The following ZKSCAN7 variants were observed in gnomAD, a reference collection of about 807,000 sequenced individuals.
ZKSCAN7 encodes the protein zinc finger protein with KRAB and SCAN domains 7.
Under a neutral mutation model 65.3 loss-of-function variants are expected in ZKSCAN7, and 38 were observed. The ratio of observed to expected loss-of-function variants is 0.58; its 90% CI spans 0.45 to 0.76. The LOEUF (loss-of-function observed/expected upper bound fraction) is 0.76. Among genes scored for constraint, ZKSCAN7 ranks in the 30% least tolerant of loss-of-function variants. The pLI is 0.00. For missense variants in ZKSCAN7, 815 were observed against 913.3 expected, an observed-to-expected ratio of 0.89 and a Z score of 1.39; for synonymous variants, 321 against 321.0, an observed-to-expected ratio of 1.00 and a Z score of 0.00.
At chr3:44,576,284 C>T (rs74444184), downstream of ZKSCAN7, among the ~76,000 whole-genome samples, 2,246 of 152,236 alleles carry the variant, frequency 0.015, 53 homozygotes, top group African/African-American at 0.05. Context: ...GTCATATCCA[C>T]AGGGAATTGG....
exon 6 of ZKSCAN7, chr3:44,583,441 T>C (rs1481561697): frequency 6.6e-6 from 1 of 152,346 alleles, no homozygotes; most frequent in Non-Finnish European, 1.5e-5. Flanking sequence ...TACTCAACAA[T>C]ATTAAATACT....
At chr3:44,572,346 T>TTGTGTG (rs3080634), downstream of ZKSCAN7, among the ~76,000 whole-genome samples, 654 of 143,746 alleles carry the variant, frequency 4.5e-3, 4 homozygotes, top group African/African-American at 0.014. Flanking sequence ...CGAATGGATT[T>TTGTGTG]TGTGTGTGTG....
chr3:44,574,002 A>T (rs887009165), downstream of ZKSCAN7, among the ~76,000 whole-genome samples: 5 of 152,176 alleles, frequency 3.3e-5, no homozygotes, highest in East Asian at 3.8e-4. Flanking sequence ...GCATAAACTT[A>T]AAAAAAATTT....
chr3:44,571,382 G>A lies in ZKSCAN7; in HGVS notation c.*7G>A, dbSNP rs1297764856. On this transcript the variant is annotated 3_prime_UTR_variant, in exon 6 of 6. Transcript: ENST00000426540. ...GGCTTGGTCAGTTTCTTAAGGTATG[G>A]TTCTCTGAGACAGAGAGCAACGACC... The A allele has an allele frequency of 1.2e-6, 2 of 1,613,440 alleles. No individual in the cohort carries two copies. The highest frequency in any genetic ancestry group is 1.7e-6 in the Non-Finnish European group (2 of 1,180,040).
chr3:44,580,690 T>A, intron 5 of ZKSCAN7: 1 of 1,613,920 alleles, frequency 6.2e-7, no homozygotes, highest in Non-Finnish European at 8.5e-7. Flanking sequence ...CTCTGGCCCG[T>A]GCGGCCCTCC....
At chr3:44,563,153 T>G (rs1384422490) in intron 2 of ZKSCAN7, among the ~76,000 whole-genome samples, 1 of 152,158 alleles carries the variant, frequency 6.6e-6, no homozygotes, top group Non-Finnish European at 1.5e-5. Flanking sequence ...TGAGACCACC[T>G]CAGCCTGGAT....
At chr3:44,572,247 C>T, downstream of ZKSCAN7, 1 of 981,556 alleles carries the variant, frequency 1.0e-6, no homozygotes, top group African/African-American at 1.7e-5. Flanking sequence ...AAGTCCATCT[C>T]ATCATAGAAT....
intron 2 of ZKSCAN7, among the ~76,000 whole-genome samples, chr3:44,558,951 T>G (rs538376755): frequency 2.0e-5 from 3 of 151,754 alleles, no homozygotes; most frequent in African/African-American, 4.8e-5. Context: ...GCTAATTTTT[T>G]TTATTGTAGA....
At chr3:44,582,939 T>C in intron 5 of ZKSCAN7, 1 of 399,028 alleles carries the variant, frequency 2.5e-6, no homozygotes, top group Non-Finnish European at 4.9e-6. Flanking sequence ...TGTGTGTGTG[T>C]GTGTGTGACT....
intron 3 of ZKSCAN7, 152 bp downstream of exon 3, chr3:44,565,807 C>A: frequency 1.2e-6 from 1 of 856,302 alleles, no homozygotes; most frequent in Non-Finnish European, 1.6e-6. Context: ...GTTCCTTTTG[C>A]TTATTCTCTA....
At chr3:44,569,133 A>G (rs555727981) in intron 5 of ZKSCAN7, among the ~76,000 whole-genome samples, 28 of 152,330 alleles carry the variant, frequency 1.8e-4, no homozygotes, top group African/African-American at 6.7e-4. Flanking sequence ...ATTTGGGCAC[A>G]GGGGTTTGGC....
chr3:44,570,013 C>T lies in ZKSCAN7; in HGVS notation c.903C>T (p.Leu301=), dbSNP rs763405742. ...CATCTAACAGGACATCAGGGGGACT[C>T]TTTGGGGTGGTTCCTGGGGCAGCAG... ...SESSNRTSGG[L]FGVVPGAAET... is the part of the protein sequence containing the mutation. The change falls in exon 6 of 6, where the codon CTC becomes CTT. Residue 301 remains leucine, a synonymous_variant. Coordinates refer to ENST00000426540, the MANE Select transcript of ZKSCAN7 (RefSeq NM_001288590.2). 1.9e-6 allele frequency: 3 copies of T among 1,613,092 alleles called. No homozygotes were observed. In the African/African-American group the frequency reaches 4.0e-5, roughly 22 times the overall value.
chr3:44,572,256 A>T (rs1699826969), downstream of ZKSCAN7: 2 of 981,124 alleles, frequency 2.0e-6, no homozygotes, highest in Non-Finnish European at 2.4e-6. Context: ...TCATCATAGA[A>T]TATCACATAC....
At chr3:44,567,725 C>T (rs1029404998) in intron 3 of ZKSCAN7, among the ~76,000 whole-genome samples, 187 bp from the exon 4 acceptor site, 12 of 151,878 alleles carry the variant, frequency 7.9e-5, no homozygotes, top group Non-Finnish European at 1.6e-4. Flanking sequence ...CAGCTTGATC[C>T]GGGACCTTGT....
At position 44,570,283 on chromosome 3, in the gene ZKSCAN7, T is replaced by G. The variant is rs1209955394; in HGVS notation, c.1173T>G (p.Ala391=). ...KSYRCDECGK[A]FNRSSHLIGH... ...ATCGATGTGATGAATGTGGCAAAGC[T>G]TTCAATCGGAGTTCTCACCTTATTG... Residue 391 remains alanine (A), a synonymous_variant, in exon 6 of 6, where the codon GCT becomes GCG. Transcript: ENST00000426540. The G allele has an allele frequency of 6.2e-7, 1 of 1,614,072 alleles. No homozygotes were observed. Among genetic ancestry groups the G allele is most frequent in the African/African-American group, 1.3e-5 (1 of 74,916 alleles).
intron 5 of ZKSCAN7, chr3:44,580,771 G>C (rs1700055861): frequency 1.2e-6 from 2 of 1,613,170 alleles, no homozygotes; most frequent in Non-Finnish European, 1.7e-6. Context: ...ATCTCATCCA[G>C]GGCGTAGCGC....
At chr3:44,580,688 C>G (rs539264498) in intron 5 of ZKSCAN7, 4 of 1,613,830 alleles carry the variant, frequency 2.5e-6, no homozygotes, top group Non-Finnish European at 3.4e-6. Flanking sequence ...ACCTCTGGCC[C>G]GTGCGGCCCT....
intron 2 of ZKSCAN7, among the ~76,000 whole-genome samples, chr3:44,559,714 A>G (rs1007223983): frequency 9.1e-4 from 138 of 152,366 alleles, no homozygotes; most frequent in African/African-American, 3.3e-3. Flanking sequence ...GGTGTGAGCC[A>G]TCACGCTCAG....
intron 3 of ZKSCAN7, among the ~76,000 whole-genome samples, chr3:44,567,429 A>G (rs13070879): frequency 0.28 from 41,858 of 152,126 alleles, 6,291 homozygotes; most frequent in Non-Finnish European, 0.32. Flanking sequence ...CCCATAGGCA[A>G]TAGGAGGCAT....
Sources: allele counts gnomAD v4.1 joint callset (sites outside exome capture counted in the v4.1 genomes callset), GRCh38; gene constraint gnomAD v4.1.1; transcripts MANE v1.5; gene names NCBI Gene and HGNC (gene_info 2026-07-23, HGNC 2026-07-21).